The following SPAG16 variants were observed in gnomAD, a reference collection of about 807,000 sequenced individuals.
SPAG16 encodes the protein sperm associated antigen 16.
In SPAG16, 86 loss-of-function variants were observed where a neutral mutation model predicts 80.4. The observed-to-expected ratio is 1.07, with a 90% CI of 0.90 to 1.28. The LOEUF (loss-of-function observed/expected upper bound fraction) is 1.28. Among genes scored for constraint, SPAG16 ranks in the 50% most tolerant of loss-of-function variants. The pLI is 0.00. For synonymous variants in SPAG16, 294 were observed against 265.9 expected, an observed-to-expected ratio of 1.11 and a Z score of -1.03; for missense variants, 870 against 765.3, an observed-to-expected ratio of 1.14 and a Z score of -1.61.
intron 10 of SPAG16, among the ~76,000 whole-genome samples, chr2:213,716,173 C>G (rs189334641): frequency 6.8e-4 from 104 of 151,880 alleles, no homozygotes; most frequent in East Asian, 3.9e-4. Flanking sequence ...ATTTATAATA[C>G]TTTGATTTTT....
At chr2:213,406,430 A>G (rs1428502908) in intron 9 of SPAG16, among the ~76,000 whole-genome samples, 1 of 152,242 alleles carries the variant, frequency 6.6e-6, no homozygotes, top group African/African-American at 2.4e-5. Context: ...GTGTATATAT[A>G]CTAATTGAGA....
At chr2:213,754,004 CAG>C (rs2068205052) in intron 10 of SPAG16, among the ~76,000 whole-genome samples, 1 of 152,178 alleles carries the variant, frequency 6.6e-6, no homozygotes, top group Non-Finnish European at 1.5e-5. Flanking sequence ...TCACTGGACA[CAG>C]AGATATCTTG....
chr2:213,754,067 C>T (rs1339243209), intron 10 of SPAG16, among the ~76,000 whole-genome samples: 1 of 152,172 alleles, frequency 6.6e-6, no homozygotes, highest in African/African-American at 2.4e-5. Context: ...TTATAACTCT[C>T]TGGAATCCTG....
At chr2:213,743,289 A>G (rs1484832342) in intron 10 of SPAG16, among the ~76,000 whole-genome samples, 1 of 152,192 alleles carries the variant, frequency 6.6e-6, no homozygotes, top group African/African-American at 2.4e-5. Context: ...ACTGACATTC[A>G]TGGATTTTTT....
intron 13 of SPAG16, among the ~76,000 whole-genome samples, chr2:214,093,100 C>T (rs2125323345): frequency 6.6e-6 from 1 of 151,990 alleles, no homozygotes; most frequent in South Asian, 2.1e-4. Context: ...TTATTTGGCC[C>T]CTCTTCCCTA....
intron 10 of SPAG16, among the ~76,000 whole-genome samples, chr2:213,592,575 A>G (rs1290381138): frequency 6.6e-6 from 1 of 152,206 alleles, no homozygotes; most frequent in Non-Finnish European, 1.5e-5. Flanking sequence ...CAATCTTAAC[A>G]ATCTAGTAAT....
intron 10 of SPAG16, among the ~76,000 whole-genome samples, chr2:213,628,387 G>T (rs993872606): frequency 1.4e-4 from 21 of 152,112 alleles, no homozygotes; most frequent in African/African-American, 4.8e-4. Context: ...TAAAATTACA[G>T]CTGGTCCTTT....
chr2:214,055,788 C>T (rs2049905557), intron 13 of SPAG16, among the ~76,000 whole-genome samples: 2 of 152,274 alleles, frequency 1.3e-5, no homozygotes, highest in African/African-American at 2.4e-5. Context: ...TCTAACCATA[C>T]ACTCTTATAT....
At chr2:214,261,385 T>C (rs1691166011) in intron 15 of SPAG16, among the ~76,000 whole-genome samples, 2 of 152,098 alleles carry the variant, frequency 1.3e-5, no homozygotes, top group African/African-American at 4.8e-5. Flanking sequence ...TCTTTTCTAG[T>C]CTGGCGGCTA....
rs199970281 is a variant in SPAG16, at chr2:213,374,069, CAAGT to C, written c.833-939_833-936del. 8.6e-3 allele frequency among the ~76,000 whole-genome samples: 1,304 copies of C among 152,226 alleles called. 13 individuals are homozygous for C. The highest frequency in any genetic ancestry group is 0.029 in the African/African-American group (1,214 of 41,526). ...AGGCAGTTTGGACACCCAGGTCTCT[CAAGT>C]ACTTTCATGTAACGTGGGGTTATGG... On this transcript the variant is annotated intron_variant, in intron 8 of 15. Coordinates refer to ENST00000331683, the MANE Select transcript of SPAG16 (RefSeq NM_024532.5).
At chr2:213,905,047 C>G (rs541718222) in intron 11 of SPAG16, among the ~76,000 whole-genome samples, 1 of 152,214 alleles carries the variant, frequency 6.6e-6, no homozygotes, top group South Asian at 2.1e-4. Context: ...AGTCTGGAAG[C>G]TACTTGTACA....
intron 15 of SPAG16, among the ~76,000 whole-genome samples, chr2:214,222,426 T>C (rs1388540734): frequency 1.3e-5 from 2 of 152,274 alleles, no homozygotes; most frequent in Non-Finnish European, 2.9e-5. Flanking sequence ...TTGCTATTCT[T>C]GAGCACATTG....
chr2:213,882,775 T>A (rs1351702710), intron 11 of SPAG16, among the ~76,000 whole-genome samples: 1 of 152,214 alleles, frequency 6.6e-6, no homozygotes, highest in Non-Finnish European at 1.5e-5. Context: ...TGTTTGCATT[T>A]TTGCTTTGCA....
chr2:213,545,657 GCTTAT>G (rs2125927535), intron 10 of SPAG16, among the ~76,000 whole-genome samples: 1 of 151,982 alleles, frequency 6.6e-6, no homozygotes, highest in South Asian at 2.1e-4. Flanking sequence ...TATCACTTCT[GCTTAT>G]CTTGAGTTAC....
intron 12 of SPAG16, among the ~76,000 whole-genome samples, chr2:213,954,313 A>G (rs2044008524): frequency 6.6e-6 from 1 of 151,968 alleles, no homozygotes; most frequent in African/African-American, 2.4e-5. Context: ...GGTTTCTTTT[A>G]TATTTTGAAA....
intron 12 of SPAG16, among the ~76,000 whole-genome samples, chr2:213,951,905 A>G (rs2079801905): frequency 1.3e-5 from 2 of 152,208 alleles, no homozygotes; most frequent in African/African-American, 4.8e-5. Context: ...CTATATTGGT[A>G]CTAAGGAAGG....
At chr2:214,144,033 C>T (rs2055505760) in intron 14 of SPAG16, among the ~76,000 whole-genome samples, 1 of 152,100 alleles carries the variant, frequency 6.6e-6, no homozygotes, top group South Asian at 2.1e-4. Flanking sequence ...TGACAAACAC[C>T]TGTAGTTTCA....
intron 10 of SPAG16, among the ~76,000 whole-genome samples, chr2:213,580,320 T>G (rs2060260726): frequency 6.6e-6 from 1 of 152,130 alleles, no homozygotes; most frequent in Non-Finnish European, 1.5e-5. Context: ...ACAGATTATT[T>G]TATATCTTTG....
chr2:213,752,363 C>G (rs1379250723), intron 10 of SPAG16, among the ~76,000 whole-genome samples: 1 of 152,192 alleles, frequency 6.6e-6, no homozygotes, highest in Non-Finnish European at 1.5e-5. Context: ...TGACTCCCCT[C>G]TTTGTAAGAT....
Sources: allele counts gnomAD v4.1 joint callset (sites outside exome capture counted in the v4.1 genomes callset), GRCh38; gene constraint gnomAD v4.1.1; transcripts MANE v1.5; gene names NCBI Gene and HGNC (gene_info 2026-07-23, HGNC 2026-07-21).